Variants in CDK2AP1 observed in about 807,000 individuals in gnomAD.
CDK2AP1 encodes cyclin dependent kinase 2 associated protein 1.
CDK2AP1 carries 10 observed loss-of-function variants against 14.1 expected under a neutral mutation model. The ratio of observed to expected loss-of-function variants is 0.71; its 90% CI spans 0.44 to 1.20. The LOEUF (loss-of-function observed/expected upper bound fraction) is 1.20, where lower values mean the gene tolerates loss of function less well. Ranked by LOEUF, CDK2AP1 falls within the 50% of genes most tolerant of loss-of-function variation. The pLI is 0.00. For synonymous variants in CDK2AP1, 59 were observed against 59.8 expected (o/e 0.99, Z 0.06); for missense variants, 102 against 149.9 (o/e 0.68, Z 1.67).
chr12:123,270,947 GC>G, intron 1 of CDK2AP1: 13 of 984,678 alleles, frequency 1.3e-5, no homozygotes, highest in Non-Finnish European at 1.6e-5. Flanking sequence ...CCCGGCCGAG[GC>G]CCCCGGGCCT....
At chr12:123,261,939 C>A in intron 3 of CDK2AP1, 136 bp from the exon 4 acceptor site, 1 of 679,140 alleles carries the variant, frequency 1.5e-6, no homozygotes, top group Non-Finnish European at 2.6e-6. Flanking sequence ...CCAGGGAAAC[C>A]TATAACCAAG....
intron 1 of CDK2AP1, among the ~76,000 whole-genome samples, chr12:123,269,660 C>T (rs1464162475): frequency 1.3e-5 from 2 of 152,244 alleles, no homozygotes; most frequent in Admixed American, 1.3e-4. Context: ...GCCTTCCCGC[C>T]ACTTGGGGCG....
chr12:123,266,804 G>C (rs1370810680), intron 2 of CDK2AP1, among the ~76,000 whole-genome samples: 1 of 152,256 alleles, frequency 6.6e-6, no homozygotes, highest in African/African-American at 2.4e-5. Context: ...CCGCGCCCGT[G>C]GAGAGCAAGT....
At chr12:123,264,924 C>A (rs1172543973) in intron 3 of CDK2AP1, among the ~76,000 whole-genome samples, 1 of 152,098 alleles carries the variant, frequency 6.6e-6, no homozygotes, top group Non-Finnish European at 1.5e-5. Flanking sequence ...AGCCAGCAGA[C>A]CCCCTGGCAG....
At chr12:123,268,756 C>A (rs1384374395) in intron 1 of CDK2AP1, among the ~76,000 whole-genome samples, 1 of 152,178 alleles carries the variant, frequency 6.6e-6, no homozygotes, top group East Asian at 1.9e-4. Context: ...GCACAACGCC[C>A]ACGATATCTG....
rs2048280222 is a variant in CDK2AP1 at position 123,265,456 on chromosome 12, T to A, written c.154-134A>T. 1.3e-6 allele frequency: 1 copy of A among 747,516 alleles called. No individual in the cohort carries two copies. The highest frequency in any genetic ancestry group is 1.8e-5 in the African/African-American group (1 of 55,720). The allele number at this position is 747,516 out of a possible 1,614,324, so 46.3% of individuals were successfully genotyped here. On this transcript the variant is annotated intron_variant, in intron 2 of 3. Transcript: ENST00000261692. This position sits in a 1 kb window ranked among gnomAD's most constrained non-coding sequence, Gnocchi z 5.3. ...AGGTGGAAGTTGCAGTGAGCCAAGA[T>A]CACTCCACTGCACTCCAGCCTGGGC...
chr12:123,268,285 G>T, intron 1 of CDK2AP1: 1 of 966,758 alleles, frequency 1.0e-6, no homozygotes, highest in Non-Finnish European at 1.2e-6. Flanking sequence ...TGCCAGGCTG[G>T]CCAAACCCAC....
Position 123,268,523 on chromosome 12 carries a change from G to A in CDK2AP1, c.56-1241C>T, listed in dbSNP as rs576720053. On this transcript the variant is annotated intron_variant, in intron 1 of 3. Coordinates refer to ENST00000261692, the MANE Select transcript of CDK2AP1 (RefSeq NM_004642.4). Reference sequence around the variant, plus strand: ...TCTCTCCGAGAACGGGGACCGTTCCGAGCTGTCTCCTGAGTCTCAGGCCAG... The same window carrying A: ...TCTCTCCGAGAACGGGGACCGTTCCAAGCTGTCTCCTGAGTCTCAGGCCAG... 4.7e-4 allele frequency among the ~76,000 whole-genome samples: 71 copies of A among 152,342 alleles called. 1 individual carries two copies. The highest frequency in any genetic ancestry group is 9.0e-4 in the Non-Finnish European group (61 of 68,034).
intron 1 of CDK2AP1, chr12:123,271,000 C>A: frequency 2.0e-6 from 2 of 981,874 alleles, no homozygotes; most frequent in South Asian, 9.2e-5. Flanking sequence ...TGGTCCCAGT[C>A]CCGGCGGCCC....
Position 123,266,203 on chromosome 12 carries a change from C to A in CDK2AP1, c.154-881G>T, listed in dbSNP as rs952343590. ...CCCCTGGCCTCGCGCTCTGTCCTGTCCTCGTCCTGCTCCGGCTGCTCTGCC... is the reference window on the plus strand; with the variant it reads ...CCCCTGGCCTCGCGCTCTGTCCTGTACTCGTCCTGCTCCGGCTGCTCTGCC... On this transcript the variant is annotated intron_variant, in intron 2 of 3. Coordinates refer to ENST00000261692, the MANE Select transcript of CDK2AP1 (RefSeq NM_004642.4). Among the ~76,000 whole-genome samples the A allele has an allele frequency of 1.2e-4, 18 of 152,356 alleles. 1 individual carries two copies. The highest frequency in any genetic ancestry group is 4.3e-4 in the African/African-American group (18 of 41,590).
rs2048309184 is a variant in CDK2AP1 at position 123,267,458 on chromosome 12, C to T, written c.56-176G>A. Reference sequence around the variant, plus strand: ...ATATAAGATGGATAATGAAATGTAGCTACAAGGCACCTGACCATCCCCAGC... The same window carrying T: ...ATATAAGATGGATAATGAAATGTAGTTACAAGGCACCTGACCATCCCCAGC... On this transcript the variant is annotated intron_variant, in intron 1 of 3. Coordinates refer to ENST00000261692, the MANE Select transcript of CDK2AP1 (RefSeq NM_004642.4). 5.3e-6 allele frequency: 3 copies of T among 569,076 alleles called. No homozygotes were observed. The South Asian group carries it at 5.7e-5, about 11-fold the overall frequency. 35.3% of individuals were successfully genotyped at this position (569,076 alleles called of 1,614,324 possible).
intron 3 of CDK2AP1, among the ~76,000 whole-genome samples, chr12:123,264,798 G>A (rs1307471467): frequency 6.6e-6 from 1 of 152,152 alleles, no homozygotes; most frequent in African/African-American, 2.4e-5. Context: ...GGTGACAGCA[G>A]AGGGCAGTGC....
At chr12:123,269,820 G>A (rs947198639) in intron 1 of CDK2AP1, among the ~76,000 whole-genome samples, 2 of 152,146 alleles carry the variant, frequency 1.3e-5, no homozygotes, top group African/African-American at 4.8e-5. Flanking sequence ...GAGCAGCGGC[G>A]GCAGCGGAGA....
rs752810130 is a variant in CDK2AP1 at position 123,261,536 on chromosome 12, A to G, written c.*200T>C. 3.8e-6 allele frequency: 2 copies of G among 524,892 alleles called. No homozygotes were observed. Among genetic ancestry groups the G allele is most frequent in the African/African-American group, 3.9e-5 (2 of 51,642 alleles). 32.5% of individuals were successfully genotyped at this position (524,892 alleles called of 1,614,324 possible). A position where few individuals can be genotyped will look rare whatever the true frequency, so the allele number is the denominator to read the frequency against. On this transcript the variant is annotated 3_prime_UTR_variant, in exon 4 of 4. Transcript: ENST00000261692. Reference sequence around the variant, plus strand: ...ACAAAAAAAACCTGGGCAGTTCCTAACTACTTAAAATGCAAATCCTAATTA... The same window carrying G: ...ACAAAAAAAACCTGGGCAGTTCCTAGCTACTTAAAATGCAAATCCTAATTA...
chr12:123,270,066 C>A lies in CDK2AP1; in HGVS notation c.55+1498G>T, dbSNP rs561828773. 29 of 240,934 alleles carry A rather than the reference C, an allele frequency of 1.2e-4. 1 individual carries two copies. The Middle Eastern group carries it at 6.4e-3, about 53-fold the overall frequency. The allele number at this position is 240,934 out of a possible 1,614,324, so 14.9% of individuals were successfully genotyped here. On this transcript the variant is annotated intron_variant, in intron 1 of 3. Coordinates refer to ENST00000261692, the MANE Select transcript of CDK2AP1 (RefSeq NM_004642.4). ...AAACCCCGAGGGTCCCAGTTTAGGG[C>A]CCCGGCCCCAATGACACCAGGGTAA...
At chr12:123,266,118 A>G (rs2048288371) in intron 2 of CDK2AP1, among the ~76,000 whole-genome samples, 2 of 152,058 alleles carry the variant, frequency 1.3e-5, no homozygotes, top group Non-Finnish European at 2.9e-5. Context: ...CTCCTCCCAT[A>G]GACACGCCAG....
chr12:123,264,967 T>G (rs1467833073), intron 3 of CDK2AP1, among the ~76,000 whole-genome samples: 1 of 152,096 alleles, frequency 6.6e-6, no homozygotes, highest in Admixed American at 6.5e-5. Flanking sequence ...CTGCCTGGGC[T>G]GCCCTTCCCA....
At chr12:123,267,054 G>C in intron 2 of CDK2AP1, 131 bp downstream of exon 2, 1 of 686,296 alleles carries the variant, frequency 1.5e-6, no homozygotes, top group Non-Finnish European at 2.7e-6. Flanking sequence ...GCGCAGCCAG[G>C]GCCTTGGGCT....
rs1480490894 is a variant in CDK2AP1 at position 123,261,483 on chromosome 12, G to A, written c.*253C>T. 11 of 422,330 alleles carry A rather than the reference G, an allele frequency of 2.6e-5. No individual in the cohort carries two copies. Among genetic ancestry groups the A allele is most frequent in the Admixed American group, 1.6e-4 (4 of 24,588 alleles). 26.2% of individuals were successfully genotyped at this position (422,330 alleles called of 1,614,324 possible). A position where few individuals can be genotyped will look rare whatever the true frequency, so the allele number is the denominator to read the frequency against. ...ACAGTTTGCTGTAAGATAACTTTCC[G>A]TGCATCTTTTAAATCAATGCTTAAA... is the stretch of plus-strand genomic sequence containing the variant. On this transcript the variant is annotated 3_prime_UTR_variant, in exon 4 of 4. Transcript: ENST00000261692.
Sources: gnomAD v4.1 joint callset for allele counts (sites outside exome capture counted in the v4.1 genomes callset) on GRCh38, gnomAD v4.1.1 for gene constraint, Gnocchi (gnomAD v3.1) non-coding constraint, MANE v1.5 for transcripts, NCBI Gene and HGNC (gene_info 2026-07-23, HGNC 2026-07-21) for gene names.